TSC22D1: variants seen among roughly 807,000 people sequenced by gnomAD.
The protein encoded by TSC22D1 is TSC22 domain family protein 1.
In TSC22D1, 9 loss-of-function variants were observed where a neutral mutation model predicts 74.2. The ratio of observed to expected loss-of-function variants is 0.12; its 90% CI spans 0.07 to 0.21. TSC22D1 has a LOEUF of 0.21. Among genes scored for constraint, TSC22D1 ranks in the 10% least tolerant of loss-of-function variants. The probability of loss-of-function intolerance (pLI) is 1.00; values close to 1 mark genes in which losing one functional copy is unlikely to be tolerated. For synonymous variants in TSC22D1, 586 were observed against 492.5 expected, an observed-to-expected ratio of 1.19 and a Z score of -2.51; for missense variants, 1,427 against 1,304.7, an observed-to-expected ratio of 1.09 and a Z score of -1.44.
At chr13:44,453,460 G>A (rs553507692) in intron 1 of TSC22D1, among the ~76,000 whole-genome samples, 59 of 152,102 alleles carry the variant, frequency 3.9e-4, no homozygotes, top group Non-Finnish European at 7.6e-4. Flanking sequence ...GATCAAAACT[G>A]GAAGAAAATA....
intron 1 of TSC22D1, among the ~76,000 whole-genome samples, chr13:44,445,449 T>C (rs1295647558): frequency 6.6e-6 from 1 of 152,236 alleles, no homozygotes; most frequent in East Asian, 1.9e-4. Context: ...CATAAATCTT[T>C]TGAACCTTGA....
rs780753369 is a variant in TSC22D1, at chr13:44,576,060, A to G, written c.15T>C (p.Pro5=). MHQP[P]ESTAAAAAAA... ...CGGCGGCGGCCGCGGCGGTGGACTCAGGCGGCTGGTGCATTGTGTTGGGTA... is the reference window on the plus strand; with the variant it reads ...CGGCGGCGGCCGCGGCGGTGGACTCGGGCGGCTGGTGCATTGTGTTGGGTA... The change falls in exon 1 of 3, where the codon CCT becomes CCC. Residue 5 remains proline, a synonymous_variant. Coordinates refer to ENST00000458659, the MANE Select transcript of TSC22D1 (RefSeq NM_183422.4). 38 of 1,561,826 alleles carry G rather than the reference A, an allele frequency of 2.4e-5. No individual in the cohort carries two copies. The highest frequency in any genetic ancestry group is 6.1e-6 in the Non-Finnish European group (7 of 1,156,706).
chr13:44,469,760 C>A (rs996961116), intron 1 of TSC22D1, among the ~76,000 whole-genome samples: 5 of 152,098 alleles, frequency 3.3e-5, no homozygotes, highest in Non-Finnish European at 7.4e-5. Flanking sequence ...CTATTTAAGT[C>A]ATGAAAGTTC....
intron 1 of TSC22D1, among the ~76,000 whole-genome samples, chr13:44,438,210 A>G (rs1025360439): frequency 6.6e-6 from 1 of 152,202 alleles, no homozygotes; most frequent in African/African-American, 2.4e-5. Flanking sequence ...CAAAAAATCT[A>G]CAAAGTACTT....
At chr13:44,544,774 C>T (rs1469281391) in intron 1 of TSC22D1, among the ~76,000 whole-genome samples, 2 of 151,810 alleles carry the variant, frequency 1.3e-5, no homozygotes, top group East Asian at 1.9e-4. Flanking sequence ...AAAATGTTAC[C>T]GGTATTCAAG....
At chr13:44,516,836 A>C (rs1880011459) in intron 1 of TSC22D1, among the ~76,000 whole-genome samples, 1 of 152,190 alleles carries the variant, frequency 6.6e-6, no homozygotes, top group South Asian at 2.1e-4. Context: ...CTAACAACAG[A>C]AGCTTATCAA....
At chr13:44,495,441 G>A (rs2137968909) in intron 1 of TSC22D1, among the ~76,000 whole-genome samples, 2 of 152,212 alleles carry the variant, frequency 1.3e-5, no homozygotes, top group East Asian at 3.9e-4. Flanking sequence ...ATGAAAGGAT[G>A]CTAGATAATA....
intron 1 of TSC22D1, among the ~76,000 whole-genome samples, chr13:44,461,959 A>G (rs1877021557): frequency 1.3e-5 from 2 of 152,214 alleles, no homozygotes; most frequent in South Asian, 2.1e-4. Context: ...TCCTAAATAT[A>G]TAGCATGAAG....
intron 1 of TSC22D1, among the ~76,000 whole-genome samples, chr13:44,498,671 C>G (rs1389699703): frequency 6.6e-6 from 1 of 152,140 alleles, no homozygotes; most frequent in East Asian, 1.9e-4. Flanking sequence ...GTCATTCAGT[C>G]AAGCATAAAA....
intron 1 of TSC22D1, among the ~76,000 whole-genome samples, chr13:44,512,494 T>C (rs1162351405): frequency 6.6e-6 from 1 of 151,900 alleles, no homozygotes; most frequent in Non-Finnish European, 1.5e-5. Flanking sequence ...AAACTCAACA[T>C]GCCTTAAGCT....
In TSC22D1 at chr13:44,573,888, A is replaced by C. The variant is rs770178123; in HGVS notation, c.2187T>G (p.Ile729Met). The C allele has an allele frequency of 6.2e-7, 1 of 1,614,188 alleles. No homozygotes were observed. Among genetic ancestry groups the C allele is most frequent in the Non-Finnish European group, 8.5e-7 (1 of 1,180,040 alleles). Residue 729 changes from isoleucine to methionine, a missense_variant, in exon 1 of 3, where the codon ATT (isoleucine) becomes ATG (methionine). Ile to Met is a conservative substitution (Grantham distance 10). Around this residue, in one of 3 missense-constraint regions of TSC22D1, gnomAD observed 1,343 missense variants for 1,191.5 expected, o/e 1.13. Coordinates refer to ENST00000458659, the MANE Select transcript of TSC22D1 (RefSeq NM_183422.4). ...TGTTTGCTTGCTGACCAATATTTGC[A>C]ATCTGACTGCCAGTAGGTACAGCAG... is the stretch of plus-strand genomic sequence containing the variant. ...AVSAVPTGSQ[I>M]ANIGQQANIP...
chr13:44,529,991 T>C (rs1408393231), intron 1 of TSC22D1, among the ~76,000 whole-genome samples: 2 of 152,150 alleles, frequency 1.3e-5, no homozygotes, highest in African/African-American at 4.8e-5. Flanking sequence ...AAGATGTCAA[T>C]TCTTCCCAAC....
chr13:44,494,713 A>G (rs1042765110), intron 1 of TSC22D1, among the ~76,000 whole-genome samples: 1 of 152,086 alleles, frequency 6.6e-6, no homozygotes, highest in Non-Finnish European at 1.5e-5. Flanking sequence ...AAACTTACAA[A>G]GCATGCAAAG....
At chr13:44,551,389 GGTGTGTGTGTGTGTGTGTGT>G (rs376368576) in intron 1 of TSC22D1, among the ~76,000 whole-genome samples, 1 of 125,252 alleles carries the variant, frequency 8.0e-6, no homozygotes, top group Non-Finnish European at 1.7e-5. Flanking sequence ...CAATCAGATG[GGTGTGTGTGTGTGTGTGTGT>G]GTGTGTGTGT....
chr13:44,528,074 C>T (rs530383733), intron 1 of TSC22D1, among the ~76,000 whole-genome samples: 1 of 152,036 alleles, frequency 6.6e-6, no homozygotes, highest in Non-Finnish European at 1.5e-5. Flanking sequence ...GTAAGGAGGA[C>T]TAGTCAAATC....
intron 1 of TSC22D1, among the ~76,000 whole-genome samples, chr13:44,559,494 A>T (rs1044921735): frequency 1.3e-5 from 2 of 152,056 alleles, no homozygotes; most frequent in African/African-American, 2.4e-5. Context: ...ACCACAACAA[A>T]TTTGTTTAGA....
At chr13:44,553,754 A>G (rs1882440229) in intron 1 of TSC22D1, among the ~76,000 whole-genome samples, 1 of 152,254 alleles carries the variant, frequency 6.6e-6, no homozygotes, top group Non-Finnish European at 1.5e-5. Context: ...GGAATTTCAA[A>G]GAACTGCTCA....
At chr13:44,530,908 A>G (rs1426953774) in intron 1 of TSC22D1, among the ~76,000 whole-genome samples, 2 of 152,198 alleles carry the variant, frequency 1.3e-5, no homozygotes, top group African/African-American at 4.8e-5. Flanking sequence ...GCAAAATGGT[A>G]AAGTCACTTT....
At chr13:44,514,875 TAAATA>T (rs1879905227) in intron 1 of TSC22D1, among the ~76,000 whole-genome samples, 2 of 151,896 alleles carry the variant, frequency 1.3e-5, no homozygotes, top group Non-Finnish European at 2.9e-5. Context: ...AAAAAATAAA[TAAATA>T]AAAGAAGTTT....
Sources: allele counts gnomAD v4.1 joint callset (sites outside exome capture counted in the v4.1 genomes callset), GRCh38; gene constraint gnomAD v4.1.1; regional missense constraint gnomAD v4.1.1; transcripts MANE v1.5; gene names NCBI Gene and HGNC (gene_info 2026-07-23, HGNC 2026-07-21).